The following ULK4 variants were observed in gnomAD, a reference collection of about 807,000 sequenced individuals.
ULK4 encodes the protein unc-51 like kinase 4, also known as inactive serine/threonine-protein kinase ULK4.
Under a neutral mutation model 160.6 loss-of-function variants are expected in ULK4, and 133 were observed. The observed-to-expected ratio is 0.83, with a 90% CI of 0.72 to 0.96. The LOEUF (loss-of-function observed/expected upper bound fraction) is 0.96, where lower values mean the gene tolerates loss of function less well. Ranked by LOEUF, ULK4 falls within the 40% of genes least tolerant of loss-of-function variation. The pLI is 0.00. For missense variants in ULK4, 1,580 were observed against 1,499.5 expected (o/e 1.05, Z -0.89); for synonymous variants, 534 against 539.8 (o/e 0.99, Z 0.15).
At chr3:41,402,426 C>A (rs940157004) in intron 34 of ULK4, among the ~76,000 whole-genome samples, 2 of 152,134 alleles carry the variant, frequency 1.3e-5, no homozygotes, top group African/African-American at 2.4e-5. Context: ...GACACTCTTG[C>A]CTTGTACCCA....
At chr3:41,765,454 G>A (rs1429796503) in intron 21 of ULK4, among the ~76,000 whole-genome samples, 1 of 152,092 alleles carries the variant, frequency 6.6e-6, no homozygotes, top group African/African-American at 2.4e-5. Flanking sequence ...TATACCTAAT[G>A]TAAATGACGA....
chr3:41,647,332 T>C (rs1475988446), intron 30 of ULK4, among the ~76,000 whole-genome samples: 1 of 152,178 alleles, frequency 6.6e-6, no homozygotes, highest in Non-Finnish European at 1.5e-5. Flanking sequence ...TTTTATCTAC[T>C]TTTGGTCTTT....
chr3:41,958,473 G>A (rs1437768754), intron 1 of ULK4, among the ~76,000 whole-genome samples: 1 of 151,660 alleles, frequency 6.6e-6, no homozygotes, highest in Non-Finnish European at 1.5e-5. Flanking sequence ...AGGTCGAGTC[G>A]GACGGATCGC....
At chr3:41,317,058 C>T (rs1421767157) in intron 35 of ULK4, among the ~76,000 whole-genome samples, 1 of 110,892 alleles carries the variant, frequency 9.0e-6, no homozygotes, top group Non-Finnish European at 1.9e-5. Flanking sequence ...TAGGCAATTA[C>T]ATCTATTTTT....
At chr3:41,739,113 C>T (rs981996103) in intron 22 of ULK4, among the ~76,000 whole-genome samples, 5 of 151,968 alleles carry the variant, frequency 3.3e-5, no homozygotes, top group Non-Finnish European at 5.9e-5. Context: ...ATATGAGTTA[C>T]TTATCGTTAA....
intron 17 of ULK4, among the ~76,000 whole-genome samples, chr3:41,845,561 A>T (rs1463991418): frequency 2.6e-5 from 4 of 152,164 alleles, no homozygotes; most frequent in Non-Finnish European, 5.9e-5. Flanking sequence ...ATAAAAAGGG[A>T]ATATGAGGGA....
intron 19 of ULK4, among the ~76,000 whole-genome samples, chr3:41,801,189 A>C (rs2040449161): frequency 6.6e-6 from 1 of 152,164 alleles, no homozygotes; most frequent in Admixed American, 6.6e-5. Context: ...TAAATAATGC[A>C]ATGTCTTATA....
At position 41,246,641 on chromosome 3, in the gene ULK4, C is replaced by T. The variant is rs555712655; in HGVS notation, c.*288G>A. On this transcript the variant is annotated 3_prime_UTR_variant, in exon 37 of 37. Transcript: ENST00000301831. ...GCTTTATTACCACAGGCAGTGCTAA[C>T]CTTAGCCCACCTGGCCCACACAGAG... 9 of 389,010 alleles carry T rather than the reference C, an allele frequency of 2.3e-5. No individual in the cohort carries two copies. The South Asian group carries it at 3.7e-4, about 16-fold the overall frequency. The allele number at this position is 389,010 out of a possible 1,614,324, so 24.1% of individuals were successfully genotyped here. A position where few individuals can be genotyped will look rare whatever the true frequency, so the allele number is the denominator to read the frequency against.
intron 32 of ULK4, among the ~76,000 whole-genome samples, chr3:41,560,604 T>C (rs1431349104): frequency 6.6e-6 from 1 of 152,234 alleles, no homozygotes; most frequent in East Asian, 1.9e-4. Context: ...GATTCCTAGG[T>C]ATTTTATTCT....
At chr3:41,636,111 C>T (rs576539532) in intron 30 of ULK4, among the ~76,000 whole-genome samples, 1 of 149,740 alleles carries the variant, frequency 6.7e-6, no homozygotes, top group South Asian at 2.1e-4. Context: ...GGACAACTTA[C>T]ATAAACTCTG....
chr3:41,308,528 T>C (rs1028983360), intron 35 of ULK4, among the ~76,000 whole-genome samples: 2 of 151,880 alleles, frequency 1.3e-5, no homozygotes, highest in Non-Finnish European at 2.9e-5. Context: ...ACTGGAAATA[T>C]TTGAAAGAAA....
At chr3:41,822,963 C>A (rs2041197755) in intron 18 of ULK4, among the ~76,000 whole-genome samples, 1 of 151,572 alleles carries the variant, frequency 6.6e-6, no homozygotes, top group Admixed American at 6.6e-5. Flanking sequence ...ACCTCATGAT[C>A]CACCTGCCTC....
intron 32 of ULK4, among the ~76,000 whole-genome samples, chr3:41,479,732 C>T (rs895121721): frequency 2.0e-5 from 3 of 152,036 alleles, no homozygotes; most frequent in Admixed American, 6.5e-5. Flanking sequence ...TCCTAAAACT[C>T]CTAAAGGACA....
chr3:41,797,913 CAAAAGAAAAGAAAAGAG>C (rs1378353562), intron 20 of ULK4, among the ~76,000 whole-genome samples: 4 of 149,506 alleles, frequency 2.7e-5, no homozygotes, highest in South Asian at 2.1e-4. Context: ...GAAAACAAAA[CAAAAGAAAAGAAAAGAG>C]AAAAGAAAAG....
chr3:41,883,722 A>G lies in ULK4; in HGVS notation c.1656+152T>C, dbSNP rs1434911778. The G allele has an allele frequency of 5.6e-6, 4 of 718,716 alleles. No individual in the cohort carries two copies. In the African/African-American group the frequency reaches 7.2e-5, roughly 13 times the overall value. The allele number at this position is 718,716 out of a possible 1,614,324, so 44.5% of individuals were successfully genotyped here. On this transcript the variant is annotated intron_variant, in intron 17 of 36. Coordinates refer to ENST00000301831, the MANE Select transcript of ULK4 (RefSeq NM_017886.4). ...TATATGTGCTGCTATGTTTAAGCCT[A>G]AAGGTCTGTTGAGGTAACAGTTTTA...
At chr3:41,338,077 T>C (rs1272462237) in intron 35 of ULK4, among the ~76,000 whole-genome samples, 4 of 152,232 alleles carry the variant, frequency 2.6e-5, no homozygotes, top group Admixed American at 1.3e-4. Context: ...ACCTTCAAAA[T>C]AGCATTTCTG....
intron 32 of ULK4, among the ~76,000 whole-genome samples, chr3:41,537,066 T>C (rs1344543141): frequency 6.6e-6 from 1 of 152,204 alleles, no homozygotes; most frequent in Non-Finnish European, 1.5e-5. Context: ...TTCTTCCTCA[T>C]CATCTGCCAA....
In ULK4 at chr3:41,539,337, G is replaced by A. The variant is rs138471155; in HGVS notation, c.3226+26688C>T. Among the ~76,000 whole-genome samples the A allele has an allele frequency of 4.7e-3, 717 of 152,178 alleles. 4 individuals are homozygous for A. Among genetic ancestry groups the A allele is most frequent in the African/African-American group, 0.016 (685 of 41,538 alleles). Reference sequence around the variant, plus strand: ...ACTGTATTTGTAAAAAGCAGCAGCCGACAGCAGGCTACATTTACTGAATCT... The same window carrying A: ...ACTGTATTTGTAAAAAGCAGCAGCCAACAGCAGGCTACATTTACTGAATCT... On this transcript the variant is annotated intron_variant, in intron 32 of 36. Transcript: ENST00000301831.
chr3:41,294,827 G>A (rs2079638767), intron 35 of ULK4, among the ~76,000 whole-genome samples: 1 of 152,198 alleles, frequency 6.6e-6, no homozygotes, highest in Non-Finnish European at 1.5e-5. Flanking sequence ...GACATTCCAT[G>A]TTCTCATTGG....
Sources: allele counts gnomAD v4.1 joint callset (sites outside exome capture counted in the v4.1 genomes callset), GRCh38; gene constraint gnomAD v4.1.1; transcripts MANE v1.5; gene names NCBI Gene and HGNC (gene_info 2026-07-23, HGNC 2026-07-21).